Variants in POLK observed in about 807,000 individuals in gnomAD.
POLK encodes polymerase (DNA directed) kappa.
POLK carries 76 observed loss-of-function variants against 94.0 expected under a neutral mutation model. The ratio of observed to expected loss-of-function variants is 0.81; its 90% CI spans 0.67 to 0.98. The LOEUF is 0.98. Among genes scored for constraint, POLK ranks in the 50% least tolerant of loss-of-function variants. POLK has a pLI of 0.00. For missense variants in POLK, 954 were observed against 1,010.1 expected (o/e 0.94, Z 0.75); for synonymous variants, 349 against 325.4 (o/e 1.07, Z -0.78).
chr5:75,522,665 A>G (rs1401008239), intron 1 of POLK, among the ~76,000 whole-genome samples: 1 of 152,148 alleles, frequency 6.6e-6, no homozygotes, highest in Non-Finnish European at 1.5e-5. Flanking sequence ...TTTATTTTTA[A>G]ATTATTTTAT....
downstream of POLK, among the ~76,000 whole-genome samples, chr5:75,603,906 C>A (rs1329468629): frequency 1.3e-5 from 2 of 152,304 alleles, 1 homozygote; most frequent in South Asian, 4.1e-4. Context: ...TACAAAGACC[C>A]TGAAACATTC....
chr5:75,529,656 A>G (rs1769048840), intron 1 of POLK, among the ~76,000 whole-genome samples: 1 of 152,166 alleles, frequency 6.6e-6, no homozygotes, highest in Non-Finnish European at 1.5e-5. Flanking sequence ...AAAATTTTTT[A>G]TATAGAGTGT....
rs139470455 is a variant in POLK at position 75,513,695 on chromosome 5, C to T, written c.-14+1781C>T. ...ATCTGTTTGGTTTATGGGATAAAAACTTGTTAGAGTAGTTGGTATTTCATA... is the reference window on the plus strand; with the variant it reads ...ATCTGTTTGGTTTATGGGATAAAAATTTGTTAGAGTAGTTGGTATTTCATA... On this transcript the variant is annotated intron_variant, in intron 1 of 14. Coordinates refer to ENST00000241436, the Ensembl canonical transcript of POLK. Among the ~76,000 whole-genome samples, 201 of 152,200 alleles carry T rather than the reference C, an allele frequency of 1.3e-3. 2 individuals are homozygous for T. Among genetic ancestry groups the T allele is most frequent in the African/African-American group, 4.6e-3 (192 of 41,544 alleles).
At chr5:75,540,058 C>G (rs987007623) in intron 1 of POLK, among the ~76,000 whole-genome samples, 1 of 152,094 alleles carries the variant, frequency 6.6e-6, no homozygotes, top group East Asian at 1.9e-4. Context: ...GAAACAATAT[C>G]AAGGTTAGAA....
chr5:75,592,721 A>C (rs1221492412), intron 11 of POLK, among the ~76,000 whole-genome samples: 3 of 151,418 alleles, frequency 2.0e-5, no homozygotes, highest in Non-Finnish European at 4.4e-5. Context: ...AACAAACAAA[A>C]AAATTCAGTT....
At chr5:75,527,190 T>A (rs963906117) in intron 1 of POLK, among the ~76,000 whole-genome samples, 2 of 151,316 alleles carry the variant, frequency 1.3e-5, no homozygotes, top group African/African-American at 2.4e-5. Context: ...ATAATCAAAC[T>A]TTTTTTTTAT....
chr5:75,554,566 C>T (rs1031766981), intron 3 of POLK, among the ~76,000 whole-genome samples: 2 of 151,634 alleles, frequency 1.3e-5, no homozygotes, highest in African/African-American at 4.9e-5. Context: ...AAACTGGTGT[C>T]GTGGGGGTTT....
At chr5:75,595,544 TACCATA>T (rs1235323606) in intron 12 of POLK, among the ~76,000 whole-genome samples, 2 of 150,178 alleles carry the variant, frequency 1.3e-5, no homozygotes, top group Non-Finnish European at 2.9e-5. Flanking sequence ...CAAATATGAG[TACCATA>T]AAAAATAATT....
At chr5:75,532,450 A>G (rs1769227774) in intron 1 of POLK, among the ~76,000 whole-genome samples, 1 of 151,432 alleles carries the variant, frequency 6.6e-6, no homozygotes, top group Non-Finnish European at 1.5e-5. Flanking sequence ...CTTTGTGTAT[A>G]TGTACCACTT....
At chr5:75,607,553 CTTCT>C in the POLK span, among the ~76,000 whole-genome samples, 2 of 151,900 alleles carry the variant, frequency 1.3e-5, no homozygotes, top group South Asian at 4.1e-4. Context: ...CTGTTTGCCT[CTTCT>C]TTCTATTTCT....
the POLK span, among the ~76,000 whole-genome samples, chr5:75,608,032 A>G: frequency 1.3e-5 from 2 of 152,198 alleles, no homozygotes; most frequent in African/African-American, 4.8e-5. Flanking sequence ...AGAATTGAAC[A>G]TATTTTTTTA....
chr5:75,574,231 CAT>C (rs1771748300), intron 5 of POLK, among the ~76,000 whole-genome samples: 1 of 152,098 alleles, frequency 6.6e-6, no homozygotes, highest in Non-Finnish European at 1.5e-5. Context: ...AGAATCTACT[CAT>C]CATTAATTTC....
chr5:75,540,456 G>A (rs2112607586), intron 1 of POLK, among the ~76,000 whole-genome samples: 1 of 151,906 alleles, frequency 6.6e-6, no homozygotes, highest in African/African-American at 2.4e-5. Flanking sequence ...ACAGGCACAT[G>A]TCAACACACC....
the POLK span, chr5:75,609,062 G>A: frequency 6.6e-6 from 1 of 152,144 alleles, no homozygotes; most frequent in African/African-American, 2.4e-5. Flanking sequence ...CTGCTTTGGA[G>A]TTTTTGTCTC....
At chr5:75,587,058 G>A in exon 10 of POLK, 1 of 1,500,858 alleles carries the variant, frequency 6.7e-7, no homozygotes, top group South Asian at 1.2e-5. Flanking sequence ...AGCGTTGAGA[G>A]GTAATGTTTT....
chr5:75,512,677 AGACTTT>A (rs1244955190), intron 1 of POLK: 1 of 152,350 alleles, frequency 6.6e-6, no homozygotes, highest in East Asian at 1.9e-4. Context: ...TTTGATTATG[AGACTTT>A]GACTTTGTAG....
At chr5:75,515,603 T>A (rs879613190) in intron 1 of POLK, among the ~76,000 whole-genome samples, 4 of 152,254 alleles carry the variant, frequency 2.6e-5, no homozygotes, top group Non-Finnish European at 4.4e-5. Context: ...TGTATTGATT[T>A]CCCTTTTGGA....
downstream of POLK, among the ~76,000 whole-genome samples, chr5:75,604,602 C>T (rs368261100): frequency 2.6e-5 from 4 of 152,228 alleles, no homozygotes; most frequent in East Asian, 3.9e-4. Context: ...GTCTTGAACT[C>T]CTGGCTTCAA....
downstream of POLK, among the ~76,000 whole-genome samples, chr5:75,601,318 A>G (rs1405432253): frequency 6.6e-6 from 1 of 152,140 alleles, no homozygotes; most frequent in Non-Finnish European, 1.5e-5. Context: ...TACAGCCTCA[A>G]TCAGTATTTG....
Sources: gnomAD v4.1 joint callset for allele counts (sites outside exome capture counted in the v4.1 genomes callset) on GRCh38, gnomAD v4.1.1 for gene constraint, MANE v1.5 for transcripts, NCBI Gene and HGNC (gene_info 2026-07-23, HGNC 2026-07-21) for gene names.